The following NR6A1 variants were observed in gnomAD, a reference collection of about 807,000 sequenced individuals.
NR6A1 encodes nuclear receptor subfamily 6 group A member 1.
A neutral mutation model predicts 59.1 loss-of-function variants in NR6A1; 7 were observed. The observed-to-expected ratio is 0.12, with a 90% CI of 0.07 to 0.22. NR6A1 has a LOEUF of 0.22. NR6A1 is among the 10% of genes least tolerant of loss of function. The probability of loss-of-function intolerance (pLI) is 1.00; values close to 1 mark genes in which losing one functional copy is unlikely to be tolerated. For synonymous variants in NR6A1, 243 were observed against 236.1 expected, an observed-to-expected ratio of 1.03 and a Z score of -0.27; for missense variants, 468 against 611.6, an observed-to-expected ratio of 0.77 and a Z score of 2.48.
At chr9:124,605,831 C>T (rs535762697) in intron 2 of NR6A1, among the ~76,000 whole-genome samples, 5 of 152,198 alleles carry the variant, frequency 3.3e-5, no homozygotes, top group African/African-American at 1.2e-4. Context: ...AATTAAAGCA[C>T]ACAAACAAAT....
At chr9:124,663,369 T>TA (rs1159128540) in intron 2 of NR6A1, among the ~76,000 whole-genome samples, 2 of 152,206 alleles carry the variant, frequency 1.3e-5, no homozygotes, top group African/African-American at 4.8e-5. Context: ...GCCTATCTTA[T>TA]GCCTGCTTGG....
Position 124,703,958 on chromosome 9 carries a change from C to G in NR6A1, c.142+29350G>C, listed in dbSNP as rs77379448. On this transcript the variant is annotated intron_variant, in intron 2 of 9. Coordinates refer to ENST00000487099, the MANE Select transcript of NR6A1 (RefSeq NM_033334.4). ...TTCATCACCAAGTAAGCCACTGCAC[C>G]CAGCATGCTTCTTTTAAGTGTTTGA... Among the ~76,000 whole-genome samples the G allele has an allele frequency of 6.0e-3, 916 of 152,226 alleles. 12 individuals carry two copies. Among genetic ancestry groups the G allele is most frequent in the East Asian group, 0.026 (133 of 5,176 alleles).
chr9:124,765,104 T>C (rs1415705652), intron 1 of NR6A1, among the ~76,000 whole-genome samples: 3 of 152,238 alleles, frequency 2.0e-5, no homozygotes, highest in Non-Finnish European at 4.4e-5. Context: ...GACACTTTTT[T>C]AAAGTTAATT....
intron 2 of NR6A1, among the ~76,000 whole-genome samples, chr9:124,605,354 A>G (rs1835550236): frequency 6.6e-6 from 1 of 152,170 alleles, no homozygotes; most frequent in South Asian, 2.1e-4. Flanking sequence ...CATCTTTACA[A>G]AAAATTTGCC....
chr9:124,589,522 C>G (rs1479678860), intron 2 of NR6A1, among the ~76,000 whole-genome samples: 1 of 152,192 alleles, frequency 6.6e-6, no homozygotes, highest in Non-Finnish European at 1.5e-5. Context: ...TACACATACT[C>G]TTATAATAAT....
intron 1 of NR6A1, among the ~76,000 whole-genome samples, chr9:124,755,636 C>T (rs1840613974): frequency 6.6e-6 from 1 of 152,188 alleles, no homozygotes; most frequent in Non-Finnish European, 1.5e-5. Flanking sequence ...TAAGATAGTA[C>T]TTCAAGGCTC....
At chr9:124,618,436 T>C (rs780481132) in intron 2 of NR6A1, among the ~76,000 whole-genome samples, 3 of 151,858 alleles carry the variant, frequency 2.0e-5, no homozygotes, top group Admixed American at 6.6e-5. Context: ...TGAGCCGAGA[T>C]TGCACCACTG....
chr9:124,619,855 A>G (rs973262630), intron 2 of NR6A1, among the ~76,000 whole-genome samples: 1 of 152,210 alleles, frequency 6.6e-6, no homozygotes, highest in Admixed American at 6.5e-5. Flanking sequence ...TGAGGCCAGG[A>G]GTTCGAGACC....
chr9:124,747,290 AG>A (rs1330604949), intron 1 of NR6A1, among the ~76,000 whole-genome samples: 1 of 151,652 alleles, frequency 6.6e-6, no homozygotes, highest in African/African-American at 2.4e-5. Context: ...CCCAGGCTCA[AG>A]GGATCAACCC....
At chr9:124,551,939 C>T (rs926596145) in intron 3 of NR6A1, among the ~76,000 whole-genome samples, 1 of 152,216 alleles carries the variant, frequency 6.6e-6, no homozygotes. Flanking sequence ...GTTTCTCTCC[C>T]TGACGCAGAC....
chr9:124,548,788 C>A (rs79890492), intron 3 of NR6A1, among the ~76,000 whole-genome samples: 1 of 152,184 alleles, frequency 6.6e-6, no homozygotes, highest in African/African-American at 2.4e-5. Flanking sequence ...AGTTATGAGA[C>A]CACAGAGTTA....
Position 124,546,039 on chromosome 9 carries a change from C to T in NR6A1, c.386-2182G>A, listed in dbSNP as rs565423883. ...CTGAGGCAGGAGAATTGCTTGAACC[C>T]GGGAGGTGGAGGTTGCGGTGAACTG... On this transcript the variant is annotated intron_variant, in intron 3 of 9. Transcript: ENST00000487099. 5.8e-3 allele frequency among the ~76,000 whole-genome samples: 883 copies of T among 152,254 alleles called. 8 individuals carry two copies. The highest frequency in any genetic ancestry group is 8.7e-3 in the South Asian group (42 of 4,822).
intron 7 of NR6A1, among the ~76,000 whole-genome samples, chr9:124,535,000 T>C (rs1221628533): frequency 6.6e-6 from 1 of 152,050 alleles, no homozygotes; most frequent in African/African-American, 2.4e-5. Flanking sequence ...GGCGGGCCCC[T>C]ATAGTCCCAG....
chr9:124,662,258 T>C (rs543539142), intron 2 of NR6A1, among the ~76,000 whole-genome samples: 2 of 152,244 alleles, frequency 1.3e-5, no homozygotes, highest in African/African-American at 4.8e-5. Context: ...CCTAAACATA[T>C]GAGACAATTA....
chr9:124,719,163 G>A (rs185786021), intron 2 of NR6A1, among the ~76,000 whole-genome samples: 3 of 151,756 alleles, frequency 2.0e-5, no homozygotes, highest in East Asian at 1.9e-4. Flanking sequence ...GCAGTGGTGC[G>A]ATCACAACTC....
intron 2 of NR6A1, among the ~76,000 whole-genome samples, chr9:124,655,439 G>A (rs1360532023): frequency 6.6e-6 from 1 of 152,082 alleles, no homozygotes; most frequent in Non-Finnish European, 1.5e-5. Context: ...AAAACATCTG[G>A]CACATAAAAA....
At chr9:124,586,270 A>G (rs1417716130) in intron 2 of NR6A1, among the ~76,000 whole-genome samples, 1 of 152,168 alleles carries the variant, frequency 6.6e-6, no homozygotes, top group Non-Finnish European at 1.5e-5. Flanking sequence ...ATGACCTCAT[A>G]GGAGGTCAAA....
chr9:124,700,199 T>C lies in NR6A1; in HGVS notation c.142+33109A>G, dbSNP rs116142052. Among the ~76,000 whole-genome samples the C allele has an allele frequency of 1.3e-3, 193 of 151,060 alleles. 1 individual carries two copies. Among genetic ancestry groups the C allele is most frequent in the African/African-American group, 4.5e-3 (184 of 41,098 alleles). ...TCATATAACATGTACTCGCTTGAGTTTGGCTTTTTTTTTGAAATGGGGTCT... is the reference window on the plus strand; with the variant it reads ...TCATATAACATGTACTCGCTTGAGTCTGGCTTTTTTTTTGAAATGGGGTCT... On this transcript the variant is annotated intron_variant, in intron 2 of 9. Coordinates refer to ENST00000487099, the MANE Select transcript of NR6A1 (RefSeq NM_033334.4).
At chr9:124,575,815 C>G (rs1351322260) in intron 2 of NR6A1, among the ~76,000 whole-genome samples, 2 of 152,114 alleles carry the variant, frequency 1.3e-5, no homozygotes, top group Non-Finnish European at 2.9e-5. Context: ...AGTAAATGCT[C>G]AAACATGTGA....
Sources: gnomAD v4.1 joint callset for allele counts (sites outside exome capture counted in the v4.1 genomes callset) on GRCh38, gnomAD v4.1.1 for gene constraint, MANE v1.5 for transcripts, NCBI Gene and HGNC (gene_info 2026-07-23, HGNC 2026-07-21) for gene names.